TSPAN2: variants seen among roughly 807,000 people sequenced by gnomAD.
The protein encoded by TSPAN2 is tetraspanin-2.
A neutral mutation model predicts 33.3 loss-of-function variants in TSPAN2; 24 were observed. That is an observed-to-expected ratio of 0.72 (90% CI 0.52 to 1.01). TSPAN2 has a LOEUF of 1.01. Ranked by LOEUF, TSPAN2 falls within the 50% of genes least tolerant of loss-of-function variation. The pLI is 0.00. For synonymous variants in TSPAN2, 114 were observed against 104.5 expected (o/e 1.09, Z -0.56); for missense variants, 278 against 281.3 (o/e 0.99, Z 0.08).
intron 1 of TSPAN2, among the ~76,000 whole-genome samples, chr1:115,086,843 T>C (rs978979589): frequency 6.6e-6 from 1 of 152,238 alleles, no homozygotes; most frequent in African/African-American, 2.4e-5. Flanking sequence ...GAATGGCTTG[T>C]TAAATTAGAT....
chr1:115,083,542 C>T (rs1012052874), intron 1 of TSPAN2, among the ~76,000 whole-genome samples: 2 of 152,164 alleles, frequency 1.3e-5, no homozygotes, highest in African/African-American at 2.4e-5. Context: ...ACATCTAAAA[C>T]AGGGGTTCTC....
intron 1 of TSPAN2, among the ~76,000 whole-genome samples, chr1:115,077,525 A>G (rs1648462318): frequency 6.6e-6 from 1 of 152,190 alleles, no homozygotes; most frequent in South Asian, 2.1e-4. Flanking sequence ...TCTTTAGTGA[A>G]AACAATGTGT....
intron 1 of TSPAN2, among the ~76,000 whole-genome samples, chr1:115,076,917 T>A (rs970961716): frequency 2.7e-5 from 4 of 147,478 alleles, no homozygotes; most frequent in Non-Finnish European, 6.0e-5. Flanking sequence ...ATTTTTTGAG[T>A]CCTCCCTCCC....
In TSPAN2 at chr1:115,049,989, GACAC is replaced by G. The variant is rs5777209; in HGVS notation, c.*497_*500del. The G allele has an allele frequency of 6.0e-6, 1 of 167,844 alleles. No individual in the cohort carries two copies. Among genetic ancestry groups the G allele is most frequent in the African/African-American group, 2.4e-5 (1 of 41,454 alleles). The allele number at this position is 167,844 out of a possible 1,614,324, so 10.4% of individuals were successfully genotyped here. A position where few individuals can be genotyped will look rare whatever the true frequency, so the allele number is the denominator to read the frequency against. ...CCAGGAAACCCTTACACCCAACTTA[GACAC>G]AGTCAGTTTTAACACTCCATTGTGA... On this transcript the variant is annotated 3_prime_UTR_variant, in exon 8 of 8. Transcript: ENST00000369516.
intron 2 of TSPAN2, among the ~76,000 whole-genome samples, chr1:115,065,234 G>A (rs7536564): frequency 0.21 from 32,522 of 152,110 alleles, 3,974 homozygotes; most frequent in Non-Finnish European, 0.27. Flanking sequence ...TCCAAATCTG[G>A]CTCTAATACT....
intron 1 of TSPAN2, among the ~76,000 whole-genome samples, chr1:115,087,615 CA>C (rs58524726): frequency 0.063 from 5,766 of 92,114 alleles, 156 homozygotes; most frequent in Non-Finnish European, 0.089. Flanking sequence ...GACTCCGTCT[CA>C]AAAAAAAAAA....
At chr1:115,088,588 G>C (rs995748461) in intron 1 of TSPAN2, among the ~76,000 whole-genome samples, 1 of 152,176 alleles carries the variant, frequency 6.6e-6, no homozygotes, top group Admixed American at 6.5e-5. Flanking sequence ...CTATCTCTCT[G>C]TGAACCATGA....
At chr1:115,089,222 C>T in intron 1 of TSPAN2, 142 bp downstream of exon 1, 1 of 580,142 alleles carries the variant, frequency 1.7e-6, no homozygotes. Flanking sequence ...CTTTGTTTGC[C>T]TTCTCCTCGC....
chr1:115,075,989 T>C (rs530300711), intron 1 of TSPAN2, among the ~76,000 whole-genome samples: 10 of 151,930 alleles, frequency 6.6e-5, no homozygotes, highest in Admixed American at 1.3e-4. Flanking sequence ...GAAACGATGA[T>C]GAAAAAGACA....
At chr1:115,063,760 A>G (rs962908547) in intron 2 of TSPAN2, among the ~76,000 whole-genome samples, 2 of 152,202 alleles carry the variant, frequency 1.3e-5, no homozygotes, top group African/African-American at 4.8e-5. Context: ...TTGCAGCAAC[A>G]TGAATGCAGC....
intron 1 of TSPAN2, among the ~76,000 whole-genome samples, chr1:115,086,500 C>G (rs1648841448): frequency 6.6e-6 from 1 of 152,248 alleles, no homozygotes; most frequent in African/African-American, 2.4e-5. Flanking sequence ...GAGAACTTTT[C>G]TGGCTCCTCA....
intron 5 of TSPAN2, among the ~76,000 whole-genome samples, chr1:115,058,578 C>CA (rs763543864): frequency 1.3e-5 from 2 of 152,250 alleles, no homozygotes; most frequent in Non-Finnish European, 2.9e-5. Context: ...TACCCTCTGA[C>CA]AAAGCCTGCT....
At position 115,048,543 on chromosome 1, in the gene TSPAN2, T is replaced by C. The variant is rs944045012; in HGVS notation, c.*1947A>G. On this transcript the variant is annotated 3_prime_UTR_variant, in exon 8 of 8. Transcript: ENST00000369516. ...TCTATTCTTCCACTTTTAACTATTA[T>C]AGTCTCCTTTAAAGTTGTTAATTCA... The C allele has an allele frequency of 2.7e-4, 41 of 152,130 alleles. No homozygotes were observed. The highest frequency in any genetic ancestry group is 2.4e-3 in the Admixed American group (36 of 15,278). The allele number at this position is 152,130 out of a possible 1,614,324, so 9.4% of individuals were successfully genotyped here. A position where few individuals can be genotyped will look rare whatever the true frequency, so the allele number is the denominator to read the frequency against.
intron 1 of TSPAN2, 127 bp from the exon 2 acceptor site, chr1:115,073,134 T>A (rs1648251730): frequency 1.3e-6 from 1 of 750,536 alleles, no homozygotes; most frequent in Non-Finnish European, 2.3e-6. Flanking sequence ...CACCTTCCCA[T>A]TTTATAGGGG....
chr1:115,057,018 G>A (rs1481460865), intron 6 of TSPAN2, among the ~76,000 whole-genome samples: 4 of 152,064 alleles, frequency 2.6e-5, no homozygotes, highest in African/African-American at 9.7e-5. Context: ...CAAGTCTAAT[G>A]GATCAAATCC....
chr1:115,054,462 T>C (rs1255194683), intron 6 of TSPAN2, among the ~76,000 whole-genome samples: 2 of 152,198 alleles, frequency 1.3e-5, no homozygotes, highest in African/African-American at 4.8e-5. Context: ...CCACAAGAGA[T>C]ACCTATAATG....
chr1:115,064,281 G>T (rs565498999), intron 2 of TSPAN2, among the ~76,000 whole-genome samples: 2 of 152,352 alleles, frequency 1.3e-5, no homozygotes, highest in South Asian at 4.1e-4. Context: ...CGAGCTGAAT[G>T]CAGGGCGGCA....
intron 1 of TSPAN2, among the ~76,000 whole-genome samples, chr1:115,080,524 C>T (rs1172986719): frequency 6.6e-6 from 1 of 152,198 alleles, no homozygotes; most frequent in Non-Finnish European, 1.5e-5. Context: ...ATCCTCTTGC[C>T]TCAGCCTCCC....
intron 1 of TSPAN2, among the ~76,000 whole-genome samples, chr1:115,085,502 T>C (rs1195121914): frequency 6.6e-6 from 1 of 152,146 alleles, no homozygotes; most frequent in Non-Finnish European, 1.5e-5. Context: ...AGGTTCTGAT[T>C]GGAAGGAAGT....
Sources: gnomAD v4.1 joint callset for allele counts (sites outside exome capture counted in the v4.1 genomes callset) on GRCh38, gnomAD v4.1.1 for gene constraint, MANE v1.5 for transcripts, NCBI Gene and HGNC (gene_info 2026-07-23, HGNC 2026-07-21) for gene names.